The following NUTM1 variants were observed in gnomAD, a reference collection of about 807,000 sequenced individuals.
NUTM1 encodes NUT midline carcinoma family member 1, also known as NUT family member 1.
A neutral mutation model predicts 88.7 loss-of-function variants in NUTM1; 39 were observed. That is an observed-to-expected ratio of 0.44 (90% CI 0.34 to 0.57). The LOEUF (loss-of-function observed/expected upper bound fraction) is 0.57. Among genes scored for constraint, NUTM1 ranks in the 20% least tolerant of loss-of-function variants. The pLI, the probability that NUTM1 is intolerant of heterozygous loss-of-function variation, is 0.01. For synonymous variants in NUTM1, 494 were observed against 538.0 expected (o/e 0.92, Z 1.13); for missense variants, 1,350 against 1,414.5 (o/e 0.95, Z 0.73).
chr15:34,356,533 C>T lies in NUTM1; in HGVS notation c.2525C>T (p.Pro842Leu). The change falls in exon 8 of 8, where the codon CCA becomes CTA. Residue 842 changes from proline (P) to leucine (L), a missense_variant. Physicochemically the swap from Pro to Leu is moderately conservative, Grantham distance 98. Transcript: ENST00000537011. ...CCAGGACCTTTGAGGGCCAACAGCC[C>T]ACCCTTGAGGTCCAAAGAAAATCAA... ...SLPGPLRANS[P>L]PLRSKENQEQ... is the part of the protein sequence containing the mutation. The T allele has an allele frequency of 1.2e-6, 2 of 1,613,980 alleles. No individual in the cohort carries two copies. Among genetic ancestry groups the T allele is most frequent in the Non-Finnish European group, 1.7e-6 (2 of 1,179,952 alleles).
intron 4 of NUTM1, among the ~76,000 whole-genome samples, chr15:34,352,916 C>A (rs1890735675): frequency 8.8e-6 from 1 of 113,900 alleles, no homozygotes; most frequent in East Asian, 3.1e-4. Context: ...GACAAAGTCT[C>A]ACACTGTTGC....
Position 34,343,712 on chromosome 15 carries a change from T to C in NUTM1, c.6+10T>C. The C allele has an allele frequency of 6.5e-7, 1 of 1,533,486 alleles. No homozygotes were observed. Among genetic ancestry groups the C allele is most frequent in the Non-Finnish European group, 8.7e-7 (1 of 1,144,906 alleles). The allele number at this position is 1,533,486 out of a possible 1,614,324, so 95.0% of individuals were successfully genotyped here. A position where few individuals can be genotyped will look rare whatever the true frequency, so the allele number is the denominator to read the frequency against. On this transcript the variant is annotated intron_variant, in intron 1 of 7. Coordinates refer to ENST00000537011, the MANE Select transcript of NUTM1 (RefSeq NM_001284292.2). ...GCTCTTTCTTATGGTGGTGAGTAGCTAATAATAACGTAATAAAGTGCACCT... is the reference window on the plus strand; with the variant it reads ...GCTCTTTCTTATGGTGGTGAGTAGCCAATAATAACGTAATAAAGTGCACCT...
chr15:34,356,927 C>G lies in NUTM1; in HGVS notation c.2919C>G (p.Asn973Lys). The G allele has an allele frequency of 1.9e-6, 3 of 1,613,718 alleles. No homozygotes were observed. The highest frequency in any genetic ancestry group is 2.5e-6 in the Non-Finnish European group (3 of 1,179,968). ...ATCCTGATCTGTCCAAGCCTAAAAA[C>G]CTTGCTCCTTTACAAGAGAGTCAGG... is the stretch of plus-strand genomic sequence containing the variant. Reference protein sequence around the residue: ...RVDPDLSKPKNLAPLQESQES... With the variant: ...RVDPDLSKPKKLAPLQESQES... Residue 973 changes from asparagine (N) to lysine (K), a missense_variant, in exon 8 of 8, where the codon AAC becomes AAG. Transcript: ENST00000537011.
At chr15:34,344,720 T>C (rs1662663574) in intron 1 of NUTM1, among the ~76,000 whole-genome samples, 1 of 151,546 alleles carries the variant, frequency 6.6e-6, no homozygotes, top group South Asian at 2.1e-4. Context: ...TTATTACCTG[T>C]TAAAAATTTT....
intron 2 of NUTM1, 45 bp from the exon 3 acceptor site, chr15:34,347,924 C>G (rs1890628185): frequency 5.0e-6 from 6 of 1,194,458 alleles, no homozygotes; most frequent in Non-Finnish European, 7.1e-6. Flanking sequence ...TAACTCTGGT[C>G]TTCTTTTCTC....
In NUTM1 at chr15:34,354,536, A is replaced by G. The variant is rs759069749; in HGVS notation, c.1166A>G (p.Lys389Arg). ...AQRPPAPEAP[K>R]EIPPEAVKEY... ...AGACCTCCTGCTCCTGAGGCACCCAAGGAGATCCCACCAGAAGCTGTGAAG... is the reference window on the plus strand; with the variant it reads ...AGACCTCCTGCTCCTGAGGCACCCAGGGAGATCCCACCAGAAGCTGTGAAG... Residue 389 changes from lysine to arginine, a missense_variant, in exon 6 of 8, where the codon AAG (lysine) becomes AGG (arginine). This residue lies in a region of NUTM1 where 89 missense variants were observed against 76.0 expected (regional missense o/e 1.17). Coordinates refer to ENST00000537011, the MANE Select transcript of NUTM1 (RefSeq NM_001284292.2). 1.9e-6 allele frequency: 3 copies of G among 1,614,152 alleles called. No homozygotes were observed. Among genetic ancestry groups the G allele is most frequent in the East Asian group, 2.2e-5 (1 of 44,876 alleles).
At position 34,355,960 on chromosome 15, in the gene NUTM1, G is replaced by A. The variant is rs377419189; in HGVS notation, c.1952G>A (p.Cys651Tyr). 5.0e-6 allele frequency: 8 copies of A among 1,614,056 alleles called. No individual in the cohort carries two copies. The highest frequency in any genetic ancestry group is 6.8e-6 in the Non-Finnish European group (8 of 1,180,018). ...AGGACTTCAGAGGCTCTGCCCCTTT[G>A]TTGGCAGGGAGGCTTCCAGCCTGAG... ...ADRTSEALPLCWQGGFQPEST... is the reference protein window; with the variant it reads ...ADRTSEALPLYWQGGFQPEST... Residue 651 changes from cysteine to tyrosine, a missense_variant, in exon 8 of 8, where the codon TGT becomes TAT. Cys to Tyr is a radical substitution (Grantham distance 194). Transcript: ENST00000537011. The surrounding 1 kb of genome is among the most constrained non-coding windows in gnomAD (Gnocchi z 4.3).
chr15:34,346,985 A>G (rs1316095664), intron 2 of NUTM1, among the ~76,000 whole-genome samples: 2 of 151,416 alleles, frequency 1.3e-5, no homozygotes, highest in Admixed American at 6.6e-5. Flanking sequence ...TTGAAAAAGA[A>G]GCAACTTCTT....
intron 4 of NUTM1, among the ~76,000 whole-genome samples, chr15:34,351,908 G>A (rs1043095546): frequency 1.4e-4 from 20 of 145,770 alleles, no homozygotes; most frequent in African/African-American, 4.6e-4. Flanking sequence ...TGGTGGCTCC[G>A]CCTGTAATCC....
chr15:34,350,147 C>T (rs780041632), intron 3 of NUTM1, among the ~76,000 whole-genome samples: 1 of 152,174 alleles, frequency 6.6e-6, no homozygotes. Flanking sequence ...CTCTTGATTT[C>T]TTCTGGATTA....
chr15:34,355,290 G>A lies in NUTM1; in HGVS notation c.1479+153G>A, dbSNP rs1890780901. Among the ~76,000 whole-genome samples, 1 of 152,166 alleles carries A rather than the reference G, an allele frequency of 6.6e-6. No individual in the cohort carries two copies. Among genetic ancestry groups the A allele is most frequent in the African/African-American group, 2.4e-5 (1 of 41,426 alleles). The stretch of plus-strand genomic sequence containing the variant: ...TAGGTAGAGGGCTATGGAAACACAG[G>A]AAATGAGAATGTAAGGGCTCAAAGC... On this transcript the variant is annotated intron_variant, in intron 7 of 7. Transcript: ENST00000537011. This position sits in a 1 kb window ranked among gnomAD's most constrained non-coding sequence, Gnocchi z 4.3.
At chr15:34,353,548 T>C (rs1410961011) in intron 4 of NUTM1, among the ~76,000 whole-genome samples, 188 bp from the exon 5 acceptor site, 1 of 152,190 alleles carries the variant, frequency 6.6e-6, no homozygotes, top group Non-Finnish European at 1.5e-5. Context: ...AACTATGTGC[T>C]GAGCTCCTGA....
At chr15:34,353,713 T>C in intron 4 of NUTM1, 23 bp from the exon 5 acceptor site, 1 of 1,613,980 alleles carries the variant, frequency 6.2e-7, no homozygotes, top group Non-Finnish European at 8.5e-7. Flanking sequence ...CAGCATTGCC[T>C]ATGCCTTTCT....
intron 5 of NUTM1, 107 bp from the exon 6 acceptor site, chr15:34,354,339 T>G: frequency 1.6e-6 from 2 of 1,222,282 alleles, no homozygotes; most frequent in Non-Finnish European, 2.4e-6. Context: ...GTTTCTGTGC[T>G]ACTTCCCATT....
chr15:34,345,474 C>G (rs1279000473), intron 1 of NUTM1, among the ~76,000 whole-genome samples: 1 of 152,168 alleles, frequency 6.6e-6, no homozygotes, highest in African/African-American at 2.4e-5. Context: ...TAATTTTAAA[C>G]TTTAGTTCCC....
At chr15:34,349,760 T>C (rs1378986320) in intron 3 of NUTM1, among the ~76,000 whole-genome samples, 45 of 152,250 alleles carry the variant, frequency 3.0e-4, no homozygotes, top group Admixed American at 2.9e-3. Flanking sequence ...AATCAAGATG[T>C]TCCCCCAAAG....
chr15:34,350,614 A>T, intron 3 of NUTM1, 90 bp from the exon 4 acceptor site: 1 of 1,480,158 alleles, frequency 6.8e-7, no homozygotes, highest in Non-Finnish European at 9.1e-7. Context: ...AGATTTGATG[A>T]GGGGCAGGGG....
chr15:34,354,852 T>A, intron 6 of NUTM1, 120 bp downstream of exon 6: 1 of 1,064,864 alleles, frequency 9.4e-7, no homozygotes, highest in South Asian at 1.3e-5. Flanking sequence ...AACTGAGTAA[T>A]GTGTGTGCAT....
At position 34,356,240 on chromosome 15, in the gene NUTM1, C is replaced by G; in HGVS notation, c.2232C>G (p.Val744=). 1 of 1,607,040 alleles carries G rather than the reference C, an allele frequency of 6.2e-7. No homozygotes were observed. Among genetic ancestry groups the G allele is most frequent in the Non-Finnish European group, 8.5e-7 (1 of 1,175,286 alleles). The change falls in exon 8 of 8, where the codon GTC becomes GTG. Residue 744 remains valine, a synonymous_variant. Coordinates refer to ENST00000537011, the MANE Select transcript of NUTM1 (RefSeq NM_001284292.2). ...SPRAAGERDD[V]CLSPGVWLSS... ...GAGCAGCTGGGGAGAGGGACGATGTCTGTCTCAGCCCAGGAGTTTGGCTGA... is the reference window on the plus strand; with the variant it reads ...GAGCAGCTGGGGAGAGGGACGATGTGTGTCTCAGCCCAGGAGTTTGGCTGA...
Sources: gnomAD v4.1 joint callset for allele counts (sites outside exome capture counted in the v4.1 genomes callset) on GRCh38, gnomAD v4.1.1 for gene constraint, gnomAD v4.1.1 regional missense constraint, Gnocchi (gnomAD v3.1) non-coding constraint, MANE v1.5 for transcripts, NCBI Gene and HGNC (gene_info 2026-07-23, HGNC 2026-07-21) for gene names.